The following TMEM131L variants were observed in gnomAD, a reference collection of about 807,000 sequenced individuals.
TMEM131L encodes transmembrane 131 like, also known as transmembrane protein 131-like.
A neutral mutation model predicts 192.2 loss-of-function variants in TMEM131L; 54 were observed. The ratio of observed to expected loss-of-function variants is 0.28; its 90% CI spans 0.23 to 0.35. The LOEUF (loss-of-function observed/expected upper bound fraction) is 0.35. Ranked by LOEUF, TMEM131L falls within the 10% of genes least tolerant of loss-of-function variation. The pLI, the probability that TMEM131L is intolerant of heterozygous loss-of-function variation, is 1.00. For missense variants in TMEM131L, 1,888 were observed against 1,972.9 expected, an observed-to-expected ratio of 0.96 and a Z score of 0.82; for synonymous variants, 701 against 704.9, an observed-to-expected ratio of 0.99 and a Z score of 0.09.
chr4:153,632,641 G>A, intron 31 of TMEM131L, 77 bp from the exon 32 acceptor site: 3 of 1,566,238 alleles, frequency 1.9e-6, no homozygotes, highest in Non-Finnish European at 2.6e-6. Context: ...TTTTCTGGAG[G>A]GAAGGGCAGG....
At chr4:153,593,727 C>A in intron 18 of TMEM131L, 72 bp from the exon 19 acceptor site, 1 of 967,006 alleles carries the variant, frequency 1.0e-6, no homozygotes, top group Non-Finnish European at 1.7e-6. Flanking sequence ...TATATATGTG[C>A]ACACACTTAT....
At chr4:153,559,633 G>A (rs774396258) in intron 7 of TMEM131L, among the ~76,000 whole-genome samples, 9 of 152,094 alleles carry the variant, frequency 5.9e-5, no homozygotes, top group African/African-American at 1.7e-4. Context: ...CAGATCCTGC[G>A]TACTTCTCAT....
intron 3 of TMEM131L, among the ~76,000 whole-genome samples, chr4:153,484,712 C>T (rs1732192605): frequency 6.7e-6 from 1 of 149,162 alleles, no homozygotes; most frequent in Admixed American, 6.7e-5. Context: ...TTGTGATCCG[C>T]CCGCCTCGGC....
chr4:153,586,466 T>C, intron 14 of TMEM131L, 87 bp downstream of exon 14: 4 of 961,824 alleles, frequency 4.2e-6, no homozygotes, highest in Non-Finnish European at 6.0e-6. Flanking sequence ...TTTTATTAAC[T>C]GGGTTAAGCT....
Position 153,582,420 on chromosome 4 carries a change from G to GTTTTTT in TMEM131L, c.893-766_893-761dup, listed in dbSNP as rs1216119441. ...CCACTATGCCTGGCTAATTTAAACCGTTTTTTTTTGTTGTTTTTTTTTTTT... is the reference window on the plus strand; with the variant it reads ...CCACTATGCCTGGCTAATTTAAACCGTTTTTTTTTTTTTTTGTTGTTTTTTTTTTTT... On this transcript the variant is annotated intron_variant, in intron 9 of 34. Transcript: ENST00000409959. 9.8e-5 allele frequency among the ~76,000 whole-genome samples: 8 copies of GTTTTTT among 81,832 alleles called. 1 individual carries two copies. Among genetic ancestry groups the GTTTTTT allele is most frequent in the African/African-American group, 3.3e-4 (6 of 18,260 alleles). The allele number at this position is 81,832 out of a possible 152,430, so 53.7% of individuals were successfully genotyped here.
At chr4:153,583,529 G>C in intron 10 of TMEM131L, 35 bp from the exon 11 acceptor site, 1 of 1,351,472 alleles carries the variant, frequency 7.4e-7, no homozygotes, top group Middle Eastern at 1.8e-4. Context: ...TCTCCCAGCT[G>C]AGAGTAGTCA....
chr4:153,624,205 G>A (rs557457288), intron 29 of TMEM131L, among the ~76,000 whole-genome samples: 1 of 149,340 alleles, frequency 6.7e-6, no homozygotes, highest in African/African-American at 2.5e-5. Context: ...TGCAACCTCC[G>A]CCTCTCGGTT....
In TMEM131L at chr4:153,486,877, G is replaced by C; in HGVS notation, c.239+12989G>C. Among the ~76,000 whole-genome samples the C allele has an allele frequency of 1.3e-5, 2 of 152,238 alleles. 1 individual carries two copies. Among genetic ancestry groups the C allele is most frequent in the East Asian group, 3.8e-4 (2 of 5,204 alleles). On this transcript the variant is annotated intron_variant, in intron 3 of 34. Transcript: ENST00000409959. Reference sequence around the variant, plus strand: ...TTGCCTAAGTGGGAGGAAGGGAATGGGCAGTGGGAAGGCCGACAGCAGTGT... The same window carrying C: ...TTGCCTAAGTGGGAGGAAGGGAATGCGCAGTGGGAAGGCCGACAGCAGTGT...
chr4:153,626,281 C>A, intron 30 of TMEM131L, 56 bp downstream of exon 30: 1 of 1,091,514 alleles, frequency 9.2e-7, no homozygotes, highest in Non-Finnish European at 1.4e-6. Flanking sequence ...CTTTTTCTAC[C>A]AATTATTGTG....
At position 153,558,253 on chromosome 4, in the gene TMEM131L, C is replaced by A; in HGVS notation, c.550-5C>A. On this transcript the variant is annotated splice_region_variant and splice_polypyrimidine_tract_variant and intron_variant, in intron 6 of 34. Transcript: ENST00000409959. ...AGAGGAGCAATTCTCTCTCTTTTTC[C>A]GCAGGTATCTGGAATTGGCACTCGT... 2.7e-6 allele frequency: 4 copies of A among 1,484,740 alleles called. No individual in the cohort carries two copies. The highest frequency in any genetic ancestry group is 2.8e-6 in the Non-Finnish European group (3 of 1,070,130). 92.0% of individuals were successfully genotyped at this position (1,484,740 alleles called of 1,614,324 possible). A position where few individuals can be genotyped will look rare whatever the true frequency, so the allele number is the denominator to read the frequency against.
chr4:153,636,463 C>T lies in TMEM131L; in HGVS notation c.4720C>T (p.Pro1574Ser). 6.2e-7 allele frequency: 1 copy of T among 1,614,170 alleles called. No individual in the cohort carries two copies. The highest frequency in any genetic ancestry group is 2.2e-5 in the East Asian group (1 of 44,888). Reference sequence around the variant, plus strand: ...AGCGGTCGTGTGCAAGGAATACTACCCGGGGTTCAACCCGTTTCGCGCCTA... The same window carrying T: ...AGCGGTCGTGTGCAAGGAATACTACTCGGGGTTCAACCCGTTTCGCGCCTA... ...NQAVVCKEYY[P>S]GFNPFRAYMN... Residue 1574 changes from proline (P) to serine (S), a missense_variant, in exon 35 of 35, where the codon CCG becomes TCG. By Grantham distance (74) the Pro-to-Ser change is moderately conservative. Transcript: ENST00000409959.
intron 26 of TMEM131L, among the ~76,000 whole-genome samples, chr4:153,619,064 C>T (rs1001487410): frequency 1.3e-5 from 2 of 152,282 alleles, no homozygotes; most frequent in Non-Finnish European, 1.5e-5. Context: ...CACCGAGTCC[C>T]GCCTCTCAGT....
At chr4:153,576,468 T>C (rs778824250) in intron 7 of TMEM131L, among the ~76,000 whole-genome samples, 7 of 152,212 alleles carry the variant, frequency 4.6e-5, no homozygotes, top group Non-Finnish European at 8.8e-5. Context: ...GTTATAAATA[T>C]ATCCGTCCAG....
chr4:153,590,912 A>G, intron 16 of TMEM131L, 141 bp from the exon 17 acceptor site: 1 of 450,812 alleles, frequency 2.2e-6, no homozygotes, highest in Non-Finnish European at 3.5e-6. Context: ...CCCCAGACCT[A>G]GAATAAACCA....
chr4:153,483,978 C>T (rs572818945), intron 3 of TMEM131L, among the ~76,000 whole-genome samples: 2 of 152,174 alleles, frequency 1.3e-5, no homozygotes, highest in South Asian at 2.1e-4. Context: ...TGAGGGTGTT[C>T]TGGATATGTT....
chr4:153,519,722 T>A (rs1561152720), intron 3 of TMEM131L, among the ~76,000 whole-genome samples: 1 of 152,178 alleles, frequency 6.6e-6, no homozygotes, highest in Non-Finnish European at 1.5e-5. Context: ...CCCCACAGGC[T>A]TGAGGGTCAA....
At position 153,634,238 on chromosome 4, in the gene TMEM131L, TA is replaced by T. The variant is rs1446171531; in HGVS notation, c.4376del (p.Tyr1459SerfsTer6). 1 of 1,614,066 alleles carries T rather than the reference TA, an allele frequency of 6.2e-7. No homozygotes were observed. Among genetic ancestry groups the T allele is most frequent in the Non-Finnish European group, 8.5e-7 (1 of 1,179,982 alleles). On this transcript the variant is annotated frameshift_variant, in exon 33 of 35. Transcript: ENST00000409959. LOFTEE classifies it high-confidence loss of function. ...ATGCGAAGGCCAGTTTTCCAGCGCA[TA>T]CTGTCCATTGGAATTGAACGATTAC... ...ATCEGQFSSA[Y>X]CPLELNDYNA...
intron 7 of TMEM131L, among the ~76,000 whole-genome samples, chr4:153,576,058 C>T (rs1374650078): frequency 6.6e-6 from 1 of 151,650 alleles, no homozygotes; most frequent in Non-Finnish European, 1.5e-5. Context: ...CTCCCAGGTT[C>T]ACGCCATTCT....
At chr4:153,471,699 T>A (rs1315082723) in intron 2 of TMEM131L, among the ~76,000 whole-genome samples, 1 of 152,136 alleles carries the variant, frequency 6.6e-6, no homozygotes, top group Non-Finnish European at 1.5e-5. Flanking sequence ...AGGTGCTGAG[T>A]AGGAGCAGCC....
Sources: allele counts gnomAD v4.1 joint callset (sites outside exome capture counted in the v4.1 genomes callset), GRCh38; gene constraint gnomAD v4.1.1; transcripts MANE v1.5; gene names NCBI Gene and HGNC (gene_info 2026-07-23, HGNC 2026-07-21).